Variants in INTU observed in about 807,000 individuals in gnomAD.
INTU encodes the protein inturned planar cell polarity protein, also known as protein inturned.
A neutral mutation model predicts 100.5 loss-of-function variants in INTU; 68 were observed. That is an observed-to-expected ratio of 0.68 (90% CI 0.56 to 0.83). The LOEUF is 0.83. Among genes scored for constraint, INTU ranks in the 40% least tolerant of loss-of-function variants. The pLI is 0.00. For synonymous variants in INTU, 357 were observed against 395.7 expected, an observed-to-expected ratio of 0.90 and a Z score of 1.16; for missense variants, 1,071 against 1,114.7, an observed-to-expected ratio of 0.96 and a Z score of 0.56.
At position 127,663,464 on chromosome 4, in the gene INTU, T is replaced by C. The variant is rs760928366; in HGVS notation, c.852T>C (p.Ser284=). The C allele has an allele frequency of 1.9e-6, 3 of 1,613,436 alleles. No individual in the cohort carries two copies. Among genetic ancestry groups the C allele is most frequent in the South Asian group, 1.1e-5 (1 of 91,060 alleles). ...AGAAAAAGACACAGTCCAACACAAGTGATTTAGTCAAGCTTCTCTGGGGAG... is the reference window on the plus strand; with the variant it reads ...AGAAAAAGACACAGTCCAACACAAGCGATTTAGTCAAGCTTCTCTGGGGAG... ...PRQKKTQSNT[S]DLVKLLWGEE... is the part of the protein sequence containing the mutation. Residue 284 remains serine, a synonymous_variant, in exon 4 of 16, where the codon AGT becomes AGC. Coordinates refer to ENST00000335251, the MANE Select transcript of INTU (RefSeq NM_015693.4).
At chr4:127,704,166 T>C in intron 9 of INTU, 62 bp from the exon 10 acceptor site, 1 of 1,360,950 alleles carries the variant, frequency 7.3e-7, no homozygotes, top group South Asian at 1.3e-5. Flanking sequence ...TATTATAGCT[T>C]AATTGGAATT....
At chr4:127,634,976 G>A (rs1727003462) in intron 1 of INTU, among the ~76,000 whole-genome samples, 1 of 152,176 alleles carries the variant, frequency 6.6e-6, no homozygotes, top group African/African-American at 2.4e-5. Flanking sequence ...TCTCATTAAA[G>A]CAAAGACATG....
chr4:127,655,099 C>T (rs561436885), intron 2 of INTU, among the ~76,000 whole-genome samples: 2 of 152,126 alleles, frequency 1.3e-5, no homozygotes, highest in Non-Finnish European at 1.5e-5. Flanking sequence ...CTTCTCTATA[C>T]TGGTTATTCT....
At chr4:127,691,653 G>T (rs2148716534) in intron 8 of INTU, among the ~76,000 whole-genome samples, 1 of 151,958 alleles carries the variant, frequency 6.6e-6, no homozygotes. Flanking sequence ...ACATGAATAA[G>T]TCCATTAGTG....
At chr4:127,695,959 T>G (rs987333064) in intron 8 of INTU, among the ~76,000 whole-genome samples, 8 of 152,232 alleles carry the variant, frequency 5.3e-5, no homozygotes, top group African/African-American at 1.9e-4. Context: ...TCATGTGATT[T>G]TTTTAAAGCC....
At chr4:127,638,509 G>A (rs1727171367) in intron 1 of INTU, among the ~76,000 whole-genome samples, 2 of 152,110 alleles carry the variant, frequency 1.3e-5, no homozygotes, top group Non-Finnish European at 1.5e-5. Context: ...AAAGACCTGA[G>A]AGATTCAAAT....
chr4:127,714,498 C>G (rs927765594), intron 15 of INTU, among the ~76,000 whole-genome samples: 1 of 152,052 alleles, frequency 6.6e-6, no homozygotes, highest in Non-Finnish European at 1.5e-5. Context: ...TGTCTCCTTC[C>G]TCTTCCATCC....
At chr4:127,640,003 G>T (rs1417135139) in intron 1 of INTU, among the ~76,000 whole-genome samples, 1 of 152,064 alleles carries the variant, frequency 6.6e-6, no homozygotes, top group Admixed American at 6.6e-5. Flanking sequence ...GCAGTGCCTC[G>T]CTTTGCTTCT....
intron 13 of INTU, among the ~76,000 whole-genome samples, chr4:127,709,711 TCACACACACACACA>T (rs3066389): frequency 7.0e-6 from 1 of 143,304 alleles, no homozygotes; most frequent in Non-Finnish European, 1.5e-5. Flanking sequence ...CTAATAGAAT[TCACACACACACACA>T]CACACACACA....
At chr4:127,711,383 T>A (rs1173656599) in intron 14 of INTU, among the ~76,000 whole-genome samples, 2 of 151,996 alleles carry the variant, frequency 1.3e-5, no homozygotes, top group Admixed American at 1.3e-4. Flanking sequence ...TAACCTTCCA[T>A]ATTTGATATC....
chr4:127,716,591 T>A lies in INTU; in HGVS notation c.*155T>A. The A allele has an allele frequency of 2.6e-6, 1 of 383,244 alleles. No homozygotes were observed. Among genetic ancestry groups the A allele is most frequent in the Admixed American group, 4.3e-5 (1 of 23,024 alleles). The allele number at this position is 383,244 out of a possible 1,614,324, so 23.7% of individuals were successfully genotyped here. A position where few individuals can be genotyped will look rare whatever the true frequency, so the allele number is the denominator to read the frequency against. On this transcript the variant is annotated 3_prime_UTR_variant, in exon 16 of 16. Coordinates refer to ENST00000335251, the MANE Select transcript of INTU (RefSeq NM_015693.4). ...ATATTGAGATGAAATGCTGTTGGAT[T>A]TGATACATTAAATCTTAATGTAATA...
At chr4:127,686,978 A>G (rs747368411) in intron 7 of INTU, 19 of 152,172 alleles carry the variant, frequency 1.2e-4, no homozygotes, top group Non-Finnish European at 2.6e-4. Context: ...TTACTTTTAT[A>G]TGGCTAAAAC....
At chr4:127,715,439 G>T (rs1042853939) in intron 15 of INTU, among the ~76,000 whole-genome samples, 1 of 152,148 alleles carries the variant, frequency 6.6e-6, no homozygotes. Context: ...AATCACCTAA[G>T]TCACTTGTTA....
At chr4:127,658,692 T>G (rs559854224) in intron 3 of INTU, among the ~76,000 whole-genome samples, 1 of 152,318 alleles carries the variant, frequency 6.6e-6, no homozygotes, top group East Asian at 1.9e-4. Flanking sequence ...CACATTATAC[T>G]TATATTTAAT....
chr4:127,678,716 ACAT>A (rs1729361809), intron 6 of INTU, among the ~76,000 whole-genome samples: 1 of 152,202 alleles, frequency 6.6e-6, no homozygotes, highest in Non-Finnish European at 1.5e-5. Flanking sequence ...TAACCAGCTA[ACAT>A]CATAATGACA....
chr4:127,667,224 A>G (rs1487992298), intron 4 of INTU, among the ~76,000 whole-genome samples: 2 of 151,758 alleles, frequency 1.3e-5, no homozygotes, highest in African/African-American at 4.8e-5. Flanking sequence ...ATGTTTCTCA[A>G]AAGAACAGGT....
chr4:127,702,320 T>C (rs1730683606), intron 9 of INTU, among the ~76,000 whole-genome samples: 1 of 152,214 alleles, frequency 6.6e-6, no homozygotes, highest in Non-Finnish European at 1.5e-5. Context: ...ACCTACCATG[T>C]AATTCAACCA....
chr4:127,633,101 CAAG>C lies in INTU; in HGVS notation c.75_77del (p.Glu25del), dbSNP rs778819402. ...CGAGCTCCCTGGAGACCCCTCTTCACAAGAAGAAGATGAGGACTATGATTTTGA... is the reference window on the plus strand; with the variant it reads ...CGAGCTCCCTGGAGACCCCTCTTCACAAGAAGATGAGGACTATGATTTTGA... On this transcript the variant is annotated inframe_deletion, in exon 1 of 16. Transcript: ENST00000335251. 1.4e-5 allele frequency: 22 copies of C among 1,613,980 alleles called. No individual in the cohort carries two copies. The East Asian group carries it at 3.1e-4, about 23-fold the overall frequency.
intron 5 of INTU, among the ~76,000 whole-genome samples, chr4:127,673,348 A>ATT (rs777890903): frequency 9.6e-5 from 13 of 135,558 alleles, no homozygotes; most frequent in African/African-American, 3.3e-4. Flanking sequence ...CACCCAGCTA[A>ATT]TTTTTTTTTT....
Sources: gnomAD v4.1 joint callset for allele counts (sites outside exome capture counted in the v4.1 genomes callset) on GRCh38, gnomAD v4.1.1 for gene constraint, MANE v1.5 for transcripts, NCBI Gene and HGNC (gene_info 2026-07-23, HGNC 2026-07-21) for gene names.